Variants in GRB10 observed in about 807,000 individuals in gnomAD.
The protein encoded by GRB10 is growth factor receptor bound protein 10.
GRB10 carries 20 observed loss-of-function variants against 80.9 expected under a neutral mutation model. The ratio of observed to expected loss-of-function variants is 0.25; its 90% CI spans 0.17 to 0.36. The LOEUF is 0.36. Ranked by LOEUF, GRB10 falls within the 10% of genes least tolerant of loss-of-function variation. The pLI is 1.00. For missense variants in GRB10, 548 were observed against 747.7 expected, an observed-to-expected ratio of 0.73 and a Z score of 3.12; for synonymous variants, 291 against 291.5, an observed-to-expected ratio of 1.00 and a Z score of 0.02.
At chr7:50,745,179 A>G (rs2072681912) in intron 3 of GRB10, among the ~76,000 whole-genome samples, 1 of 152,234 alleles carries the variant, frequency 6.6e-6, no homozygotes. Context: ...AGACTCACAC[A>G]GTTCAAATCC....
At chr7:50,790,483 T>C (rs2078864990) in intron 1 of GRB10, among the ~76,000 whole-genome samples, 1 of 152,256 alleles carries the variant, frequency 6.6e-6, no homozygotes, top group East Asian at 1.9e-4. Flanking sequence ...TATGTTCTCC[T>C]CACAAGCCAT....
At chr7:50,775,973 T>C (rs2077592812) in intron 2 of GRB10, among the ~76,000 whole-genome samples, 1 of 152,196 alleles carries the variant, frequency 6.6e-6, no homozygotes, top group African/African-American at 2.4e-5. Context: ...GCCTCTCCTT[T>C]GACATAAGTT....
At chr7:50,599,807 C>T (rs1179241283) in intron 17 of GRB10, among the ~76,000 whole-genome samples, 1 of 152,184 alleles carries the variant, frequency 6.6e-6, no homozygotes, top group Non-Finnish European at 1.5e-5. Flanking sequence ...CGCTGACACA[C>T]AATTCAGGTG....
chr7:50,677,532 C>T (rs2061086992), intron 5 of GRB10, among the ~76,000 whole-genome samples: 1 of 152,090 alleles, frequency 6.6e-6, no homozygotes, highest in Admixed American at 6.5e-5. Flanking sequence ...ATTGAGACTG[C>T]TGCATCCATC....
chr7:50,793,055 G>C (rs2079003798), intron 1 of GRB10: 1 of 143,398 alleles, frequency 7.0e-6, no homozygotes, highest in African/African-American at 2.5e-5. Flanking sequence ...CCCCGGCCCG[G>C]AGGCGACGCC....
At chr7:50,604,276 A>G (rs751800470) in intron 16 of GRB10, 35 bp downstream of exon 16, 3 of 1,567,080 alleles carry the variant, frequency 1.9e-6, no homozygotes, top group Non-Finnish European at 2.6e-6. Context: ...GATTTTCTTT[A>G]TGTACAAAAA....
intron 8 of GRB10, among the ~76,000 whole-genome samples, chr7:50,625,328 G>A (rs2052678219): frequency 6.6e-6 from 1 of 151,948 alleles, no homozygotes; most frequent in African/African-American, 2.4e-5. Context: ...CTTGTGAATG[G>A]GCTTTCAACA....
At chr7:50,759,644 A>C (rs1361150977) in intron 2 of GRB10, among the ~76,000 whole-genome samples, 3 of 152,170 alleles carry the variant, frequency 2.0e-5, no homozygotes, top group Non-Finnish European at 2.9e-5. Context: ...GGGGGGACTG[A>C]ATATTTTTAT....
At chr7:50,614,723 T>C in intron 12 of GRB10, 47 bp downstream of exon 12, 1 of 1,158,188 alleles carries the variant, frequency 8.6e-7, no homozygotes, top group Non-Finnish European at 1.3e-6. Context: ...GTCAGTCTCC[T>C]GTGGGCTGCT....
At chr7:50,669,993 G>C in intron 6 of GRB10, 130 bp from the exon 7 acceptor site, 1 of 1,170,036 alleles carries the variant, frequency 8.5e-7, no homozygotes, top group East Asian at 2.6e-5. Flanking sequence ...CACGTTCACA[G>C]TGGCATCCTT....
intron 4 of GRB10, among the ~76,000 whole-genome samples, chr7:50,720,965 G>A (rs1213522324): frequency 1.3e-5 from 2 of 150,498 alleles, no homozygotes; most frequent in African/African-American, 2.5e-5. Context: ...GGAAATTGTC[G>A]CAATAAATAC....
intron 3 of GRB10, among the ~76,000 whole-genome samples, chr7:50,752,602 A>C (rs2074302786): frequency 6.6e-6 from 1 of 152,140 alleles, no homozygotes; most frequent in Non-Finnish European, 1.5e-5. Flanking sequence ...GTGTCATGAT[A>C]ATGAGCCCTC....
At chr7:50,657,383 C>T (rs2058749013) in intron 7 of GRB10, among the ~76,000 whole-genome samples, 1 of 152,196 alleles carries the variant, frequency 6.6e-6, no homozygotes, top group South Asian at 2.1e-4. Flanking sequence ...GTGATGTTCC[C>T]GCGGCTCCTG....
At chr7:50,762,842 G>A (rs961188401) in intron 2 of GRB10, among the ~76,000 whole-genome samples, 3 of 152,226 alleles carry the variant, frequency 2.0e-5, no homozygotes, top group Non-Finnish European at 2.9e-5. Context: ...AGCCGGCGGG[G>A]CGCAGTGGCT....
chr7:50,708,372 G>T (rs561096560), intron 4 of GRB10, among the ~76,000 whole-genome samples: 1 of 152,264 alleles, frequency 6.6e-6, no homozygotes, highest in African/African-American at 2.4e-5. Context: ...ACAAATGATG[G>T]TGATTGTAAA....
At chr7:50,664,392 A>C (rs1057347421) in intron 7 of GRB10, among the ~76,000 whole-genome samples, 2 of 152,210 alleles carry the variant, frequency 1.3e-5, no homozygotes, top group South Asian at 4.1e-4. Flanking sequence ...CAGGACCTTA[A>C]AGAAGTACAG....
rs1264615784 is a variant in GRB10, at chr7:50,782,526, A to G, written c.-429T>C. 5 of 150,174 alleles carry G rather than the reference A, an allele frequency of 3.3e-5. No individual in the cohort carries two copies. The highest frequency in any genetic ancestry group is 7.4e-5 in the Non-Finnish European group (5 of 67,358). The allele number at this position is 150,174 out of a possible 1,614,324, so 9.3% of individuals were successfully genotyped here. ...GGCCCCCGCAGTGCCCGGCGCGTGG[A>G]CAGCGCTCCGCATGGACAGCGCTCG... On this transcript the variant is annotated 5_prime_UTR_variant, in exon 1 of 19. Coordinates refer to ENST00000401949, the MANE Select transcript of GRB10 (RefSeq NM_001350814.2). This position sits in a 1 kb window ranked among gnomAD's most constrained non-coding sequence, Gnocchi z 6.6.
chr7:50,732,175 G>C, intron 4 of GRB10, 97 bp downstream of exon 4: 1 of 1,258,068 alleles, frequency 7.9e-7, no homozygotes, highest in South Asian at 1.2e-5. Flanking sequence ...AGTGACCTGA[G>C]AGCTACAGAA....
rs2076844534 is a variant in GRB10 at position 50,770,220 on chromosome 7, G to A, written c.-217+10407C>T. 2.6e-5 allele frequency among the ~76,000 whole-genome samples: 4 copies of A among 152,302 alleles called. No individual in the cohort carries two copies. In the South Asian group the frequency reaches 8.3e-4, roughly 32 times the overall value. On this transcript the variant is annotated intron_variant, in intron 2 of 18. Transcript: ENST00000401949. ...CATCTAGCATTACCACTTCCAGGCT[G>A]CATCCACGTTTTAACACAAAAAGGG...
Sources: allele counts gnomAD v4.1 joint callset (sites outside exome capture counted in the v4.1 genomes callset), GRCh38; gene constraint gnomAD v4.1.1; non-coding constraint Gnocchi (gnomAD v3.1); transcripts MANE v1.5; gene names NCBI Gene and HGNC (gene_info 2026-07-23, HGNC 2026-07-21).